KIF11: variants seen among roughly 807,000 people sequenced by gnomAD.
KIF11 encodes the protein kinesin-like protein KIF11.
In KIF11, 9 loss-of-function variants were observed where a neutral mutation model predicts 121.0. That is an observed-to-expected ratio of 0.07 (90% CI 0.04 to 0.13). KIF11 has a LOEUF of 0.13. Among genes scored for constraint, KIF11 ranks in the 10% least tolerant of loss-of-function variants. The pLI, the probability that KIF11 is intolerant of heterozygous loss-of-function variation, is 1.00. For synonymous variants in KIF11, 408 were observed against 421.0 expected (o/e 0.97, Z 0.38); for missense variants, 846 against 1,217.5 (o/e 0.69, Z 4.54).
At chr10:92,618,866 C>T (rs889266331) in intron 9 of KIF11, among the ~76,000 whole-genome samples, 20 of 152,076 alleles carry the variant, frequency 1.3e-4, no homozygotes, top group Admixed American at 9.8e-4. Flanking sequence ...TCCATCACCA[C>T]GAGGACCCTT....
At position 92,609,479 on chromosome 10, in the gene KIF11, C is replaced by G; in HGVS notation, c.668C>G (p.Thr223Ser). ...GAAAAGGGGGCAGCAAAAAGGACAA[C>G]TGCAGCTACTCTGATGAATGCATAC... ...ILEKGAAKRTTAATLMNAYSS... is the reference protein window; with the variant it reads ...ILEKGAAKRTSAATLMNAYSS... Residue 223 changes from threonine to serine, a missense_variant, in exon 6 of 22, where the codon ACT (threonine) becomes AGT (serine). Around this residue, in one of 5 missense-constraint regions of KIF11, gnomAD observed 116 missense variants for 285.3 expected, o/e 0.41. Coordinates refer to ENST00000260731, the MANE Select transcript of KIF11 (RefSeq NM_004523.4). 6.2e-7 allele frequency: 1 copy of G among 1,613,878 alleles called. No homozygotes were observed. Among genetic ancestry groups the G allele is most frequent in the Non-Finnish European group, 8.5e-7 (1 of 1,179,908 alleles).
chr10:92,619,467 G>A (rs1301891476), intron 9 of KIF11, among the ~76,000 whole-genome samples: 1 of 152,110 alleles, frequency 6.6e-6, no homozygotes, highest in Non-Finnish European at 1.5e-5. Flanking sequence ...TCATTTATAG[G>A]TATTTATGTA....
intron 1 of KIF11, among the ~76,000 whole-genome samples, chr10:92,604,633 G>T (rs1279166571): frequency 6.6e-6 from 1 of 152,116 alleles, no homozygotes; most frequent in Non-Finnish European, 1.5e-5. Context: ...ACTTAGAGTG[G>T]GCTGTGCCAG....
intron 9 of KIF11, among the ~76,000 whole-genome samples, chr10:92,618,990 T>C (rs576059351): frequency 3.3e-4 from 50 of 152,170 alleles, no homozygotes; most frequent in Non-Finnish European, 6.3e-4. Context: ...ATACATTATG[T>C]AAACGTTTGA....
intron 10 of KIF11, among the ~76,000 whole-genome samples, chr10:92,622,602 C>A (rs147843757): frequency 0.015 from 2,325 of 151,404 alleles, 24 homozygotes; most frequent in Non-Finnish European, 0.026. Flanking sequence ...GGAACAAGAG[C>A]GAGACTTCAT....
At chr10:92,637,893 T>G (rs2135919487) in intron 16 of KIF11, among the ~76,000 whole-genome samples, 1 of 152,326 alleles carries the variant, frequency 6.6e-6, no homozygotes, top group African/African-American at 2.4e-5. Context: ...TGCTAAGTTG[T>G]TTCTAGGATG....
chr10:92,631,124 A>T (rs1844734049), intron 12 of KIF11, among the ~76,000 whole-genome samples: 1 of 135,794 alleles, frequency 7.4e-6, no homozygotes, highest in Non-Finnish European at 1.6e-5. Context: ...CATCTCTACT[A>T]AAAAAAAAAA....
Position 92,649,992 on chromosome 10 carries a change from T to C in KIF11, c.2922+6T>C, listed in dbSNP as rs7067733. 6.7e-3 allele frequency: 10,706 copies of C among 1,600,152 alleles called. 613 individuals are homozygous for C. The African/African-American group carries it at 0.12, about 18-fold the overall frequency. ...ACAAAGAAGAGACAATTCCGGTAAA[T>C]TTAAAGGATCATATTTTATAATAGA... is the stretch of plus-strand genomic sequence containing the variant. On this transcript the variant is annotated splice_donor_region_variant and intron_variant, in intron 20 of 21. Coordinates refer to ENST00000260731, the MANE Select transcript of KIF11 (RefSeq NM_004523.4).
In KIF11 at chr10:92,593,192, A is replaced by T; in HGVS notation, c.-184A>T. 1 of 562,936 alleles carries T rather than the reference A, an allele frequency of 1.8e-6. No individual in the cohort carries two copies. The highest frequency in any genetic ancestry group is 2.3e-5 in the South Asian group (1 of 43,414). The allele number at this position is 562,936 out of a possible 1,614,324, so 34.9% of individuals were successfully genotyped here. A position where few individuals can be genotyped will look rare whatever the true frequency, so the allele number is the denominator to read the frequency against. On this transcript the variant is annotated 5_prime_UTR_variant, in exon 1 of 22. Coordinates refer to ENST00000260731, the MANE Select transcript of KIF11 (RefSeq NM_004523.4). The stretch of plus-strand genomic sequence containing the variant: ...TTGGCGGCTCCGACTGGCGCGGGAC[A>T]AACGCCACGGCCAGAGTACCGGGTA...
intron 12 of KIF11, among the ~76,000 whole-genome samples, chr10:92,631,431 G>A (rs1844737738): frequency 6.9e-6 from 1 of 145,434 alleles, no homozygotes; most frequent in South Asian, 2.1e-4. Flanking sequence ...GCGCAATCTC[G>A]GCTCACTGCA....
At chr10:92,618,598 C>T (rs1225486207) in intron 9 of KIF11, among the ~76,000 whole-genome samples, 3 of 147,976 alleles carry the variant, frequency 2.0e-5, no homozygotes, top group East Asian at 2.0e-4. Flanking sequence ...GAGCTGAGAT[C>T]GAGCCACTGT....
At chr10:92,653,532 T>C in intron 21 of KIF11, 133 bp from the exon 22 acceptor site, 1 of 716,700 alleles carries the variant, frequency 1.4e-6, no homozygotes, top group South Asian at 2.5e-5. Flanking sequence ...CTCAAACTTG[T>C]GCTGAACCTT....
chr10:92,600,922 G>A (rs899341291), intron 1 of KIF11, among the ~76,000 whole-genome samples: 2 of 151,364 alleles, frequency 1.3e-5, no homozygotes, highest in South Asian at 2.1e-4. Flanking sequence ...GCGCGGTGGC[G>A]CCATCTCTGC....
intron 21 of KIF11, among the ~76,000 whole-genome samples, chr10:92,651,513 T>G (rs1564719274): frequency 1.4e-4 from 6 of 43,794 alleles, no homozygotes; most frequent in Admixed American, 4.0e-4. Flanking sequence ...TTTTGTTTTT[T>G]TTTTTTTTTT....
intron 1 of KIF11, among the ~76,000 whole-genome samples, chr10:92,605,195 A>AT (rs1844414955): frequency 6.6e-6 from 1 of 152,198 alleles, no homozygotes; most frequent in Admixed American, 6.5e-5. Flanking sequence ...TTTCCGTAGA[A>AT]TGAGGACTCT....
chr10:92,630,474 G>A, intron 12 of KIF11, 110 bp downstream of exon 12: 1 of 549,308 alleles, frequency 1.8e-6, no homozygotes, highest in Non-Finnish European at 3.0e-6. Context: ...TGGTATTTCT[G>A]TCCATTTAAA....
In KIF11 at chr10:92,654,303, T is replaced by C. The variant is rs1426003811; in HGVS notation, c.*507T>C. Reference sequence around the variant, plus strand: ...TGGGTTTCATTTGGGATTTGCAATGTAAATACGTATTTCTAGTTTTCATAT... The same window carrying C: ...TGGGTTTCATTTGGGATTTGCAATGCAAATACGTATTTCTAGTTTTCATAT... On this transcript the variant is annotated 3_prime_UTR_variant, in exon 22 of 22. Coordinates refer to ENST00000260731, the MANE Select transcript of KIF11 (RefSeq NM_004523.4). 1 of 152,416 alleles carries C rather than the reference T, an allele frequency of 6.6e-6. No individual in the cohort carries two copies. The highest frequency in any genetic ancestry group is 1.9e-4 in the East Asian group (1 of 5,208). The allele number at this position is 152,416 out of a possible 1,614,324, so 9.4% of individuals were successfully genotyped here. A position where few individuals can be genotyped will look rare whatever the true frequency, so the allele number is the denominator to read the frequency against.
At chr10:92,642,572 T>C (rs573690580) in intron 17 of KIF11, among the ~76,000 whole-genome samples, 22 of 152,348 alleles carry the variant, frequency 1.4e-4, no homozygotes, top group African/African-American at 5.3e-4. Flanking sequence ...AATTGTAGAT[T>C]TATCTATTTT....
intron 10 of KIF11, 110 bp downstream of exon 10, chr10:92,621,583 T>A: frequency 1.6e-6 from 1 of 642,030 alleles, no homozygotes; most frequent in Non-Finnish European, 2.8e-6. Flanking sequence ...CCAGTGCCGA[T>A]AAATACTTCA....
Sources: gnomAD v4.1 joint callset for allele counts (sites outside exome capture counted in the v4.1 genomes callset) on GRCh38, gnomAD v4.1.1 for gene constraint, gnomAD v4.1.1 regional missense constraint, MANE v1.5 for transcripts, NCBI Gene and HGNC (gene_info 2026-07-23, HGNC 2026-07-21) for gene names.